KCNB2: variants seen among roughly 807,000 people sequenced by gnomAD.
KCNB2 encodes potassium voltage-gated channel subfamily B member 2, also known as delayed rectifier potassium channel protein.
In KCNB2, 15 loss-of-function variants were observed where a neutral mutation model predicts 61.5. The ratio of observed to expected loss-of-function variants is 0.24; its 90% CI spans 0.16 to 0.38. The LOEUF (loss-of-function observed/expected upper bound fraction) is 0.38. Ranked by LOEUF, KCNB2 falls within the 10% of genes least tolerant of loss-of-function variation. The probability of loss-of-function intolerance (pLI) is 1.00; values close to 1 mark genes in which losing one functional copy is unlikely to be tolerated. For missense variants in KCNB2, 828 were observed against 1,125.2 expected (o/e 0.74, Z 3.78); for synonymous variants, 457 against 446.0 (o/e 1.02, Z -0.31).
At chr8:72,771,897 G>A (rs2919400) in intron 2 of KCNB2, among the ~76,000 whole-genome samples, 17,074 of 152,206 alleles carry the variant, frequency 0.11, 1,405 homozygotes, top group East Asian at 0.49. Context: ...GGGAAATGAA[G>A]GAGATATCCT....
chr8:72,787,298 G>A (rs1808859432), intron 2 of KCNB2, among the ~76,000 whole-genome samples: 1 of 152,080 alleles, frequency 6.6e-6, no homozygotes, highest in Non-Finnish European at 1.5e-5. Context: ...GGGTGGGGCT[G>A]AGCTGGGAGG....
intron 2 of KCNB2, among the ~76,000 whole-genome samples, chr8:72,667,787 G>T (rs894423121): frequency 6.6e-6 from 1 of 152,164 alleles, no homozygotes; most frequent in Non-Finnish European, 1.5e-5. Context: ...ATCTTTGGAA[G>T]ATGTAAATCA....
intron 2 of KCNB2, among the ~76,000 whole-genome samples, chr8:72,684,233 G>C (rs749764112): frequency 6.6e-6 from 1 of 152,218 alleles, no homozygotes; most frequent in African/African-American, 2.4e-5. Flanking sequence ...TGAGCCAAGC[G>C]TGTGGTCACT....
At chr8:72,928,077 A>G (rs774828301) in intron 2 of KCNB2, among the ~76,000 whole-genome samples, 7 of 152,226 alleles carry the variant, frequency 4.6e-5, no homozygotes, top group Non-Finnish European at 7.3e-5. Context: ...TAAAAATTCA[A>G]AACATTCCAA....
intron 2 of KCNB2, among the ~76,000 whole-genome samples, chr8:72,895,989 T>C (rs936129547): frequency 2.6e-5 from 4 of 152,214 alleles, no homozygotes; most frequent in African/African-American, 9.6e-5. Context: ...GCTCATAAAA[T>C]TTGCAAGGCA....
At chr8:72,793,596 A>G (rs907007553) in intron 2 of KCNB2, among the ~76,000 whole-genome samples, 8 of 152,146 alleles carry the variant, frequency 5.3e-5, no homozygotes, top group Non-Finnish European at 1.0e-4. Flanking sequence ...AAAAAAAAAT[A>G]CCAAAGCCTA....
intron 2 of KCNB2, among the ~76,000 whole-genome samples, chr8:72,606,895 C>T (rs1331947104): frequency 6.6e-6 from 1 of 152,124 alleles, no homozygotes; most frequent in Non-Finnish European, 1.5e-5. Context: ...GAGTGCCTCT[C>T]CTATGGGCTG....
intron 2 of KCNB2, among the ~76,000 whole-genome samples, chr8:72,861,578 TAGG>T (rs960600752): frequency 3.4e-4 from 51 of 152,238 alleles, no homozygotes; most frequent in African/African-American, 1.2e-3. Context: ...CAGCAGAATG[TAGG>T]AGGAGGCCCG....
intron 2 of KCNB2, chr8:72,875,162 G>A (rs1251076547): frequency 6.6e-6 from 1 of 152,246 alleles, no homozygotes. Flanking sequence ...GGTAGCGGAG[G>A]CTTCCTCCCA....
chr8:72,566,848 T>C (rs1806632953), intron 1 of KCNB2, among the ~76,000 whole-genome samples: 1 of 152,140 alleles, frequency 6.6e-6, no homozygotes. Flanking sequence ...CTATAATTGG[T>C]AAGACTTGGT....
chr8:72,802,855 C>G (rs1563389679), intron 2 of KCNB2, among the ~76,000 whole-genome samples: 2 of 152,152 alleles, frequency 1.3e-5, no homozygotes, highest in Non-Finnish European at 2.9e-5. Context: ...GAAATGTAAA[C>G]AGCTTCCTTC....
At chr8:72,663,303 CT>C (rs1806410761) in intron 2 of KCNB2, among the ~76,000 whole-genome samples, 1 of 152,114 alleles carries the variant, frequency 6.6e-6, no homozygotes, top group African/African-American at 2.4e-5. Context: ...AAGTAGGGTG[CT>C]TTGGTTGAAT....
At chr8:72,714,682 A>T (rs1585847495) in intron 2 of KCNB2, among the ~76,000 whole-genome samples, 1 of 152,214 alleles carries the variant, frequency 6.6e-6, no homozygotes, top group Admixed American at 6.5e-5. Flanking sequence ...GAAAGGAACA[A>T]CCGGTACCAG....
At chr8:72,735,587 T>C (rs888211652) in intron 2 of KCNB2, among the ~76,000 whole-genome samples, 3 of 152,220 alleles carry the variant, frequency 2.0e-5, no homozygotes, top group African/African-American at 7.2e-5. Flanking sequence ...AGCTCATTCC[T>C]ACTTCATCAA....
chr8:72,805,845 C>T (rs891563771), intron 2 of KCNB2, among the ~76,000 whole-genome samples: 1 of 152,130 alleles, frequency 6.6e-6, no homozygotes. Context: ...AAAAAGAGAC[C>T]TGACTACTGG....
At chr8:72,730,885 TA>T (rs1055400634) in intron 2 of KCNB2, among the ~76,000 whole-genome samples, 8 of 151,502 alleles carry the variant, frequency 5.3e-5, no homozygotes, top group Admixed American at 1.3e-4. Context: ...CTTAGACTAT[TA>T]AAAAAAAATG....
chr8:72,675,606 G>T (rs1326996435), intron 2 of KCNB2, among the ~76,000 whole-genome samples: 1 of 151,568 alleles, frequency 6.6e-6, no homozygotes, highest in Non-Finnish European at 1.5e-5. Context: ...TCCGCTTCCT[G>T]GGTTCAGCGT....
intron 2 of KCNB2, among the ~76,000 whole-genome samples, chr8:72,893,814 T>G (rs945155559): frequency 2.0e-5 from 3 of 152,196 alleles, no homozygotes; most frequent in African/African-American, 7.2e-5. Context: ...ACAGAAATGT[T>G]CACAGAGAAC....
intron 2 of KCNB2, among the ~76,000 whole-genome samples, chr8:72,931,132 G>T (rs1185226020): frequency 1.3e-5 from 2 of 152,118 alleles, no homozygotes; most frequent in African/African-American, 2.4e-5. Flanking sequence ...ATTTCTGAGG[G>T]CTCTGTTCTG....
Sources: gnomAD v4.1 joint callset for allele counts (sites outside exome capture counted in the v4.1 genomes callset) on GRCh38, gnomAD v4.1.1 for gene constraint, MANE v1.5 for transcripts, NCBI Gene and HGNC (gene_info 2026-07-23, HGNC 2026-07-21) for gene names.